The following NAALADL2 variants were observed in gnomAD, a reference collection of about 807,000 sequenced individuals.
NAALADL2 encodes inactive N-acetylated-alpha-linked acidic dipeptidase-like protein 2.
Under a neutral mutation model 87.2 loss-of-function variants are expected in NAALADL2, and 76 were observed. That is an observed-to-expected ratio of 0.87 (90% CI 0.72 to 1.05). NAALADL2 has a LOEUF of 1.05. Ranked by LOEUF, NAALADL2 falls within the 50% of genes least tolerant of loss-of-function variation. NAALADL2 has a pLI of 0.00. For synonymous variants in NAALADL2, 354 were observed against 331.0 expected (o/e 1.07, Z -0.75); for missense variants, 1,089 against 945.8 (o/e 1.15, Z -1.99).
rs183559845 is a variant in NAALADL2, at chr3:174,919,774, A to T, written c.43+60324A>T. ...TACTTCTTCCAGATCTATCAGAGGA[A>T]TCCCTCTCTGGCAGCTACAGCTTTA... On this transcript the variant is annotated intron_variant, in intron 1 of 13. Transcript: ENST00000454872. Among the ~76,000 whole-genome samples the T allele has an allele frequency of 1.2e-4, 19 of 152,338 alleles. No homozygotes were observed. The East Asian group carries it at 3.7e-3, about 29-fold the overall frequency.
intron 9 of NAALADL2, among the ~76,000 whole-genome samples, chr3:175,504,431 T>A (rs1414953534): frequency 6.6e-6 from 1 of 152,146 alleles, no homozygotes; most frequent in Non-Finnish European, 1.5e-5. Context: ...CTAATGTGAC[T>A]CTTTCTGGAG....
At chr3:174,484,062 A>T (rs1164455702) in intron 1 of NAALADL2, among the ~76,000 whole-genome samples, 2 of 152,078 alleles carry the variant, frequency 1.3e-5, no homozygotes, top group East Asian at 3.9e-4. Flanking sequence ...GAGAGTAACG[A>T]TTGTCACAGA....
chr3:174,987,904 T>C (rs1746192466), intron 1 of NAALADL2, among the ~76,000 whole-genome samples: 1 of 150,354 alleles, frequency 6.7e-6, no homozygotes, highest in Non-Finnish European at 1.5e-5. Context: ...ACTCCTGGCC[T>C]TAATGGGTCA....
chr3:174,898,629 A>T (rs1483923228), intron 1 of NAALADL2, among the ~76,000 whole-genome samples: 1 of 152,052 alleles, frequency 6.6e-6, no homozygotes, highest in Non-Finnish European at 1.5e-5. Context: ...AAATTTATAC[A>T]TCTACTATGT....
chr3:174,955,536 C>G (rs897264698), intron 1 of NAALADL2, among the ~76,000 whole-genome samples: 1 of 152,002 alleles, frequency 6.6e-6, no homozygotes, highest in African/African-American at 2.4e-5. Context: ...AATGATGATA[C>G]CTCTCAAATA....
chr3:175,243,890 A>G (rs1747468058), intron 3 of NAALADL2, among the ~76,000 whole-genome samples: 1 of 152,080 alleles, frequency 6.6e-6, no homozygotes, highest in African/African-American at 2.4e-5. Context: ...TAATTTTAAA[A>G]CTTCTCTCAA....
intron 9 of NAALADL2, among the ~76,000 whole-genome samples, chr3:175,572,899 T>TG (rs1387724309): frequency 1.6e-5 from 1 of 63,676 alleles, no homozygotes; most frequent in African/African-American, 3.1e-5. Flanking sequence ...GACTCTATCT[T>TG]GAAAAAAAAA....
intron 11 of NAALADL2, chr3:175,676,148 C>T (rs1409505709): frequency 2.0e-5 from 3 of 152,120 alleles, no homozygotes; most frequent in Admixed American, 2.0e-4. Context: ...ATCAAGTCTC[C>T]AAGGTGTTGC....
intron 2 of NAALADL2, among the ~76,000 whole-genome samples, chr3:174,602,231 A>T (rs1560083872): frequency 6.6e-6 from 1 of 152,146 alleles, no homozygotes; most frequent in Non-Finnish European, 1.5e-5. Flanking sequence ...CATTTTAACA[A>T]TATTGATTCT....
In NAALADL2 at chr3:175,463,402, A is replaced by C; in HGVS notation, c.1236A>C (p.Glu412Asp). The C allele has an allele frequency of 6.4e-7, 1 of 1,561,654 alleles. No individual in the cohort carries two copies. The highest frequency in any genetic ancestry group is 8.7e-7 in the Non-Finnish European group (1 of 1,152,048). ...GTCTTTAAATTTTTATTTTTTCAGA[A>C]ATAAGAGTCGTCAGCATGCAAGTTC... ...ACSSLELPNN[E>D]IRVVSMQVQT... Residue 412 changes from glutamate to aspartate, a missense_variant and splice_region_variant, in exon 7 of 14, where the codon GAA (glutamate) becomes GAC (aspartate). By Grantham distance (45) the Glu-to-Asp change is conservative. Coordinates refer to ENST00000454872, the MANE Select transcript of NAALADL2 (RefSeq NM_207015.3).
intron 1 of NAALADL2, among the ~76,000 whole-genome samples, chr3:175,043,002 C>T (rs2063698662): frequency 6.6e-6 from 1 of 152,158 alleles, no homozygotes; most frequent in Admixed American, 6.6e-5. Flanking sequence ...TCTGCACACA[C>T]TGGCTATCCC....
chr3:174,647,247 T>C (rs1380325610), intron 2 of NAALADL2, among the ~76,000 whole-genome samples: 1 of 152,200 alleles, frequency 6.6e-6, no homozygotes, highest in African/African-American at 2.4e-5. Context: ...AATTACTTGC[T>C]CAAGGTTGCA....
chr3:175,793,505 C>T (rs1410538943), intron 13 of NAALADL2, among the ~76,000 whole-genome samples: 3 of 151,210 alleles, frequency 2.0e-5, no homozygotes, highest in Admixed American at 1.3e-4. Flanking sequence ...TTAGTAGAGA[C>T]GGGGTTACAC....
intron 5 of NAALADL2, among the ~76,000 whole-genome samples, chr3:175,367,258 T>C (rs1356976253): frequency 6.6e-6 from 1 of 151,938 alleles, no homozygotes; most frequent in Non-Finnish European, 1.5e-5. Context: ...TTTTGGTTAC[T>C]GTAGCCTTGT....
rs10591566 is a variant in NAALADL2 at position 175,463,701 on chromosome 3, G to GGAGAGAGA, written c.1327+236_1327+243dup. Among the ~76,000 whole-genome samples, 866 of 115,500 alleles carry GGAGAGAGA rather than the reference G, an allele frequency of 7.5e-3. 9 individuals carry two copies. Among genetic ancestry groups the GGAGAGAGA allele is most frequent in the African/African-American group, 0.013 (334 of 25,374 alleles). 75.8% of individuals were successfully genotyped at this position (115,500 alleles called of 152,430 possible). On this transcript the variant is annotated intron_variant, in intron 7 of 13. Transcript: ENST00000454872. ...TCTTCTAAAATAAATCTTAGTCGGGGGAGAGAGAGAGAGAGAGAGAGAGAG... is the reference window on the plus strand; with the variant it reads ...TCTTCTAAAATAAATCTTAGTCGGGGGAGAGAGAGAGAGAGAGAGAGAGAGAGAGAGAG...
At chr3:175,773,909 A>G (rs1218016034) in intron 13 of NAALADL2, among the ~76,000 whole-genome samples, 3 of 152,138 alleles carry the variant, frequency 2.0e-5, no homozygotes, top group Non-Finnish European at 2.9e-5. Context: ...CTCTTCCCCC[A>G]TATAACATAT....
At chr3:174,629,620 T>C (rs1721914766) in intron 2 of NAALADL2, among the ~76,000 whole-genome samples, 1 of 152,242 alleles carries the variant, frequency 6.6e-6, no homozygotes, top group Non-Finnish European at 1.5e-5. Context: ...CAAACATCTT[T>C]CAGGAAGGTA....
intron 10 of NAALADL2, among the ~76,000 whole-genome samples, chr3:175,590,811 G>A (rs1230039155): frequency 1.3e-5 from 2 of 152,172 alleles, no homozygotes; most frequent in African/African-American, 4.8e-5. Context: ...AACAATTGGA[G>A]TTAAAAGTGT....
intron 1 of NAALADL2, among the ~76,000 whole-genome samples, chr3:175,063,245 G>A (rs1454992905): frequency 6.6e-6 from 1 of 152,074 alleles, no homozygotes; most frequent in Non-Finnish European, 1.5e-5. Context: ...TTAGGATTAT[G>A]AAAACATTTT....
Sources: allele counts gnomAD v4.1 joint callset (sites outside exome capture counted in the v4.1 genomes callset), GRCh38; gene constraint gnomAD v4.1.1; transcripts MANE v1.5; gene names NCBI Gene and HGNC (gene_info 2026-07-23, HGNC 2026-07-21).